LRP1B: variants seen among roughly 807,000 people sequenced by gnomAD.
The protein encoded by LRP1B is LDL receptor related protein 1B, also known as low-density lipoprotein receptor-related protein 1B.
In LRP1B, 217 loss-of-function variants were observed where a neutral mutation model predicts 556.6. That is an observed-to-expected ratio of 0.39 (90% CI 0.35 to 0.44). The LOEUF is 0.44. LRP1B is among the 20% of genes least tolerant of loss of function. The probability of loss-of-function intolerance (pLI) is 1.00; values close to 1 mark genes in which losing one functional copy is unlikely to be tolerated. For synonymous variants in LRP1B, 2,047 were observed against 1,865.8 expected, an observed-to-expected ratio of 1.10 and a Z score of -2.50; for missense variants, 5,053 against 5,620.8, an observed-to-expected ratio of 0.90 and a Z score of 3.23.
At chr2:141,681,485 A>T (rs956893682) in intron 2 of LRP1B, among the ~76,000 whole-genome samples, 43 of 146,160 alleles carry the variant, frequency 2.9e-4, no homozygotes, top group African/African-American at 1.0e-3. Flanking sequence ...TCATTTTATC[A>T]TTCAATAATT....
At chr2:141,813,328 C>T (rs562110518) in intron 1 of LRP1B, among the ~76,000 whole-genome samples, 2 of 152,036 alleles carry the variant, frequency 1.3e-5, no homozygotes, top group South Asian at 4.2e-4. Context: ...AGTATGGAGG[C>T]AGGTACATTT....
intron 18 of LRP1B, among the ~76,000 whole-genome samples, chr2:140,969,560 G>A (rs116410753): frequency 0.032 from 4,841 of 152,152 alleles, 200 homozygotes; most frequent in African/African-American, 0.096. Flanking sequence ...ATTTGACCCC[G>A]TCATTATAAC....
chr2:141,696,316 T>A (rs1449945757), intron 2 of LRP1B, among the ~76,000 whole-genome samples: 1 of 151,974 alleles, frequency 6.6e-6, no homozygotes, highest in African/African-American at 2.4e-5. Context: ...AAAATACTCA[T>A]GTAACAGAAT....
chr2:140,452,966 T>G (rs1686945130), intron 62 of LRP1B, among the ~76,000 whole-genome samples: 2 of 149,852 alleles, frequency 1.3e-5, no homozygotes, highest in African/African-American at 4.9e-5. Context: ...TGTGTGTTTT[T>G]TTTTTTTTTT....
At chr2:141,457,569 C>T (rs931659236) in intron 3 of LRP1B, among the ~76,000 whole-genome samples, 1 of 152,106 alleles carries the variant, frequency 6.6e-6, no homozygotes. Context: ...CCTGCACATC[C>T]TACACGTGTA....
chr2:141,819,091 T>TAAGGAAG (rs1696666416), intron 1 of LRP1B, among the ~76,000 whole-genome samples: 1 of 99,226 alleles, frequency 1.0e-5, no homozygotes, highest in Non-Finnish European at 2.0e-5. Flanking sequence ...ATTCAAAAAT[T>TAAGGAAG]AACCAGGAGT....
chr2:141,985,026 G>A (rs936054549), intron 1 of LRP1B, among the ~76,000 whole-genome samples: 4 of 152,136 alleles, frequency 2.6e-5, no homozygotes, highest in South Asian at 2.1e-4. Flanking sequence ...CCAGTTAAAT[G>A]TGACTTAATA....
intron 1 of LRP1B, among the ~76,000 whole-genome samples, chr2:142,013,102 AGAGT>A (rs796984561): frequency 3.9e-5 from 6 of 152,318 alleles, no homozygotes; most frequent in African/African-American, 1.4e-4. Context: ...GCTTGTGTTG[AGAGT>A]AAGAATACTG....
chr2:141,042,899 T>G (rs1558820363), intron 11 of LRP1B, among the ~76,000 whole-genome samples: 4 of 151,858 alleles, frequency 2.6e-5, no homozygotes, highest in Non-Finnish European at 5.9e-5. Flanking sequence ...GGGCCCATAC[T>G]TTACGTAAAA....
intron 3 of LRP1B, among the ~76,000 whole-genome samples, chr2:141,260,209 T>A (rs1420072625): frequency 6.6e-6 from 1 of 152,140 alleles, no homozygotes; most frequent in Non-Finnish European, 1.5e-5. Flanking sequence ...ATTTTCTACA[T>A]TGATCTCTTT....
intron 2 of LRP1B, among the ~76,000 whole-genome samples, chr2:141,750,215 C>T (rs535364649): frequency 1.3e-5 from 2 of 152,242 alleles, no homozygotes; most frequent in South Asian, 4.1e-4. Flanking sequence ...TTGAGGAGGT[C>T]TTCATTGGGA....
intron 1 of LRP1B, among the ~76,000 whole-genome samples, chr2:142,120,409 G>A (rs553618896): frequency 1.1e-3 from 163 of 152,166 alleles, no homozygotes; most frequent in Admixed American, 3.9e-3. Context: ...ACCATGCCCG[G>A]CCTTTACTAC....
intron 68 of LRP1B, among the ~76,000 whole-genome samples, chr2:140,373,744 C>T (rs1382392324): frequency 6.6e-6 from 1 of 152,142 alleles, no homozygotes; most frequent in Non-Finnish European, 1.5e-5. Context: ...ATGAATACCA[C>T]TGCACTCGAG....
At chr2:141,973,779 A>G (rs1376472284) in intron 1 of LRP1B, among the ~76,000 whole-genome samples, 1 of 91,188 alleles carries the variant, frequency 1.1e-5, no homozygotes, top group African/African-American at 4.2e-5. Context: ...ATATTGAAAC[A>G]TTATAAACAA....
intron 1 of LRP1B, among the ~76,000 whole-genome samples, chr2:142,086,629 A>G: frequency 3.4e-5 from 1 of 29,364 alleles, no homozygotes; most frequent in Admixed American, 6.5e-4. Flanking sequence ...ACAAACAAAC[A>G]AACAAACAAA....
rs147027807 is a variant in LRP1B, at chr2:141,903,760, G to T, written c.83-93359C>A. ...ACAGATTTGGGGTTGGGAGTTAGGA[G>T]CCATAAACACACCAAAAATGTGATA... On this transcript the variant is annotated intron_variant, in intron 1 of 90. Transcript: ENST00000389484. Among the ~76,000 whole-genome samples, 6 of 151,976 alleles carry T rather than the reference G, an allele frequency of 3.9e-5. No individual in the cohort carries two copies. The South Asian group carries it at 1.2e-3, about 32-fold the overall frequency.
intron 84 of LRP1B, among the ~76,000 whole-genome samples, chr2:140,286,438 C>G (rs1169294242): frequency 1.3e-5 from 2 of 151,766 alleles, no homozygotes; most frequent in Non-Finnish European, 2.9e-5. Flanking sequence ...CCAGTGCCAA[C>G]ATAAAACAGA....
At chr2:142,078,359 C>A (rs1705587186) in intron 1 of LRP1B, among the ~76,000 whole-genome samples, 2 of 152,144 alleles carry the variant, frequency 1.3e-5, no homozygotes, top group Admixed American at 6.6e-5. Flanking sequence ...ATTCTTCAAA[C>A]CTCATTTCAT....
chr2:140,276,603 G>A (rs535002537), intron 84 of LRP1B, among the ~76,000 whole-genome samples: 92 of 151,988 alleles, frequency 6.1e-4, no homozygotes, highest in African/African-American at 2.2e-3. Context: ...AACCTCTGAA[G>A]AACAACCTTC....
Sources: allele counts gnomAD v4.1 joint callset (sites outside exome capture counted in the v4.1 genomes callset), GRCh38; gene constraint gnomAD v4.1.1; transcripts MANE v1.5; gene names NCBI Gene and HGNC (gene_info 2026-07-23, HGNC 2026-07-21).